SPTBN4: variants seen among roughly 807,000 people sequenced by gnomAD.
SPTBN4 encodes spectrin beta, non-erythrocytic 4, also known as spectrin beta chain, non-erythrocytic 4.
In SPTBN4, 96 loss-of-function variants were observed where a neutral mutation model predicts 277.8. The ratio of observed to expected loss-of-function variants is 0.35; its 90% CI spans 0.29 to 0.41. The LOEUF (loss-of-function observed/expected upper bound fraction) is 0.41, where lower values mean the gene tolerates loss of function less well. SPTBN4 is among the 10% of genes least tolerant of loss of function. SPTBN4 has a pLI of 1.00. For missense variants in SPTBN4, 3,006 were observed against 3,595.7 expected (o/e 0.84, Z 4.19); for synonymous variants, 1,481 against 1,580.3 (o/e 0.94, Z 1.49).
chr19:40,502,350 G>A lies in SPTBN4; in HGVS notation c.1085+35G>A. The A allele has an allele frequency of 1.9e-6, 3 of 1,609,524 alleles. No homozygotes were observed. Among genetic ancestry groups the A allele is most frequent in the Non-Finnish European group, 2.5e-6 (3 of 1,177,236 alleles). The stretch of plus-strand genomic sequence containing the variant: ...AGCTCTGGAGGGAGGGTGGGCAGGG[G>A]TGGCATGACGGCAGGGCTCCTGAGC... On this transcript the variant is annotated intron_variant, in intron 9 of 35. Transcript: ENST00000598249. The surrounding 1 kb of genome is among the most constrained non-coding windows in gnomAD (Gnocchi z 4.9).
Position 40,549,337 on chromosome 19 carries a change from C to T in SPTBN4, c.4508C>T (p.Pro1503Leu). The stretch of plus-strand genomic sequence containing the variant: ...GAGCGCCTGGTGCGCCTGCTCGAGC[C>T]GTTGCAGGAGCGCCGCCGCTTGCTG... ...VGERLVRLLE[P>L]LQERRRLLLA... The change falls in exon 21 of 36, where the codon CCG (proline) becomes CTG (leucine). Residue 1503 changes from proline (P) to leucine (L), a missense_variant. Around this residue, in one of 5 missense-constraint regions of SPTBN4, gnomAD observed 1,759 missense variants for 2,061.5 expected, o/e 0.85. Coordinates refer to ENST00000598249, the MANE Select transcript of SPTBN4 (RefSeq NM_020971.3). 1 of 1,536,808 alleles carries T rather than the reference C, an allele frequency of 6.5e-7. No homozygotes were observed. The highest frequency in any genetic ancestry group is 8.7e-7 in the Non-Finnish European group (1 of 1,145,210).
chr19:40,565,836 T>G, intron 29 of SPTBN4, 91 bp downstream of exon 29: 1 of 1,368,232 alleles, frequency 7.3e-7, no homozygotes, highest in Non-Finnish European at 1.0e-6. Flanking sequence ...AGGAGCATGC[T>G]TTGCACCCTA....
Position 40,519,627 on chromosome 19 carries a change from GAGGCAGC to G in SPTBN4, c.3131_3137del (p.Glu1044AlafsTer28). ...GCCGCGCCAGGCGGCCCTTCTGGAG[GAGGCAGC>G]CCTGCTGGCTGAGCGCTTCCCGGCG... On this transcript the variant is annotated frameshift_variant, in exon 16 of 36. Coordinates refer to ENST00000598249, the MANE Select transcript of SPTBN4 (RefSeq NM_020971.3). LOFTEE classifies it high-confidence loss of function. The surrounding 1 kb of genome is among the most constrained non-coding windows in gnomAD (Gnocchi z 5.7). 7.0e-7 allele frequency: 1 copy of G among 1,434,834 alleles called. No homozygotes were observed. The highest frequency in any genetic ancestry group is 9.0e-7 in the Non-Finnish European group (1 of 1,106,282). 88.9% of individuals were successfully genotyped at this position (1,434,834 alleles called of 1,614,324 possible). A position where few individuals can be genotyped will look rare whatever the true frequency, so the allele number is the denominator to read the frequency against.
Position 40,554,111 on chromosome 19 carries a change from C to T in SPTBN4, c.4675-36C>T. 3 of 1,408,792 alleles carry T rather than the reference C, an allele frequency of 2.1e-6. No homozygotes were observed. The highest frequency in any genetic ancestry group is 1.8e-6 in the Non-Finnish European group (2 of 1,093,744). 87.3% of individuals were successfully genotyped at this position (1,408,792 alleles called of 1,614,324 possible). A position where few individuals can be genotyped will look rare whatever the true frequency, so the allele number is the denominator to read the frequency against. ...GGTCTTGCAGGGCCTCGGAACGCCC[C>T]CTCTCCACCCACATCCCCTTACCTC... On this transcript the variant is annotated intron_variant, in intron 22 of 35. Transcript: ENST00000598249. The surrounding 1 kb of genome is among the most constrained non-coding windows in gnomAD (Gnocchi z 5.7).
intron 2 of SPTBN4, among the ~76,000 whole-genome samples, chr19:40,474,621 G>C (rs10422337): frequency 0.37 from 56,181 of 150,856 alleles, 10,963 homozygotes; most frequent in African/African-American, 0.45. Flanking sequence ...TTTTTTTGGC[G>C]AAGCATGGTG....
At chr19:40,511,018 A>AAAATAAAT (rs567401157) in intron 13 of SPTBN4, among the ~76,000 whole-genome samples, 1 of 151,880 alleles carries the variant, frequency 6.6e-6, no homozygotes, top group Non-Finnish European at 1.5e-5. Context: ...CCCTATCTCT[A>AAAATAAAT]AAATAAATAA....
chr19:40,506,757 C>T (rs1416875517), intron 13 of SPTBN4, among the ~76,000 whole-genome samples: 1 of 152,114 alleles, frequency 6.6e-6, no homozygotes, highest in Non-Finnish European at 1.5e-5. Flanking sequence ...GCAGGAGGAT[C>T]ACTTGAGCCC....
intron 17 of SPTBN4, among the ~76,000 whole-genome samples, chr19:40,526,107 G>A (rs1422370760): frequency 6.6e-6 from 1 of 151,162 alleles, no homozygotes; most frequent in African/African-American, 2.4e-5. Context: ...TTCAGGGCAA[G>A]TCACTTAGAG....
At chr19:40,477,668 G>A (rs78593244) in intron 2 of SPTBN4, among the ~76,000 whole-genome samples, 2,293 of 152,230 alleles carry the variant, frequency 0.015, 62 homozygotes, top group African/African-American at 0.053. Context: ...GAGAAGGAGA[G>A]GCCTAACTTC....
At chr19:40,478,011 G>C (rs968315769) in intron 2 of SPTBN4, among the ~76,000 whole-genome samples, 3 of 151,998 alleles carry the variant, frequency 2.0e-5, no homozygotes, top group Admixed American at 2.0e-4. Context: ...GCTAATTTTT[G>C]TATTTTTAGT....
rs900472697 is a variant in SPTBN4, at chr19:40,549,420, C to A, written c.4584+7C>A. The A allele has an allele frequency of 1.4e-6, 2 of 1,469,032 alleles. No homozygotes were observed. Among genetic ancestry groups the A allele is most frequent in the South Asian group, 1.3e-5 (1 of 75,040 alleles). 91.0% of individuals were successfully genotyped at this position (1,469,032 alleles called of 1,614,324 possible). On this transcript the variant is annotated splice_region_variant and intron_variant, in intron 21 of 35. Coordinates refer to ENST00000598249, the MANE Select transcript of SPTBN4 (RefSeq NM_020971.3). The stretch of plus-strand genomic sequence containing the variant: ...CGACCTGGACGACGAGCTGGTGAGG[C>A]CAGCGCAGGGGCCTGGGGCGGGGCG...
At chr19:40,473,650 C>T (rs2079913297) in intron 2 of SPTBN4, among the ~76,000 whole-genome samples, 1 of 152,046 alleles carries the variant, frequency 6.6e-6, no homozygotes, top group Admixed American at 6.6e-5. Context: ...AGCCACGGCA[C>T]CCGGCCTGTT....
chr19:40,564,182 C>T (rs1016682997), intron 27 of SPTBN4, among the ~76,000 whole-genome samples: 9 of 152,102 alleles, frequency 5.9e-5, no homozygotes, highest in Non-Finnish European at 1.3e-4. Flanking sequence ...TGTTGAAACC[C>T]TGTTTCTACT....
chr19:40,491,568 C>T (rs1006137177), intron 4 of SPTBN4, among the ~76,000 whole-genome samples: 11 of 151,612 alleles, frequency 7.3e-5, no homozygotes, highest in African/African-American at 2.7e-4. Flanking sequence ...ATGGTGAAAC[C>T]CCGTCTCTAC....
intron 27 of SPTBN4, among the ~76,000 whole-genome samples, chr19:40,561,691 G>A (rs1404742209): frequency 1.3e-5 from 2 of 151,814 alleles, no homozygotes; most frequent in Non-Finnish European, 2.9e-5. Flanking sequence ...GCATAGTGGT[G>A]GACACCTGTA....
At chr19:40,518,270 C>T (rs1307045190) in intron 15 of SPTBN4, among the ~76,000 whole-genome samples, 2 of 152,080 alleles carry the variant, frequency 1.3e-5, no homozygotes, top group East Asian at 1.9e-4. Flanking sequence ...CGTGCCACTG[C>T]ACTCCAGCCT....
At chr19:40,569,009 C>G (rs545936363) in intron 31 of SPTBN4, among the ~76,000 whole-genome samples, 1 of 152,224 alleles carries the variant, frequency 6.6e-6, no homozygotes, top group South Asian at 2.1e-4. Flanking sequence ...TTGGGAAAAA[C>G]AGGCTTGTCA....
intron 17 of SPTBN4, among the ~76,000 whole-genome samples, chr19:40,526,734 G>A (rs1029385031): frequency 2.0e-5 from 3 of 152,054 alleles, no homozygotes; most frequent in African/African-American, 7.2e-5. Context: ...AAAAGCATGT[G>A]CCACCTTGCT....
chr19:40,528,976 CCTACTG>C, intron 17 of SPTBN4, 59 bp from the exon 18 acceptor site: 1 of 1,274,752 alleles, frequency 7.8e-7, no homozygotes. Flanking sequence ...CCCTCACAGT[CCTACTG>C]CCAGCGCCGC....
Sources: gnomAD v4.1 joint callset for allele counts (sites outside exome capture counted in the v4.1 genomes callset) on GRCh38, gnomAD v4.1.1 for gene constraint, gnomAD v4.1.1 regional missense constraint, Gnocchi (gnomAD v3.1) non-coding constraint, MANE v1.5 for transcripts, NCBI Gene and HGNC (gene_info 2026-07-23, HGNC 2026-07-21) for gene names.